Variants in SCD5 observed in about 807,000 individuals in gnomAD.
The protein encoded by SCD5 is acyl-CoA-desaturase 4.
In SCD5, 20 loss-of-function variants were observed where a neutral mutation model predicts 30.4. The observed-to-expected ratio is 0.66, with a 90% CI of 0.46 to 0.96. The LOEUF (loss-of-function observed/expected upper bound fraction) is 0.96, where lower values mean the gene tolerates loss of function less well. Among genes scored for constraint, SCD5 ranks in the 40% least tolerant of loss-of-function variants. The pLI is 0.00. For missense variants in SCD5, 381 were observed against 443.3 expected, an observed-to-expected ratio of 0.86 and a Z score of 1.26; for synonymous variants, 173 against 176.4, an observed-to-expected ratio of 0.98 and a Z score of 0.16.
At chr4:82,798,080 T>TGGGGCGGGGGGGGGGGGGGGGGGGGGGGG (rs1436762424) in intron 1 of SCD5, among the ~76,000 whole-genome samples, 1 of 25,814 alleles carries the variant, frequency 3.9e-5, no homozygotes, top group Admixed American at 3.2e-4. Flanking sequence ...CGCGGCGGGG[T>TGGGGCGGGGGGGGGGGGGGGGGGGGGGGG]GGGGGCGGGG....
intron 1 of SCD5, among the ~76,000 whole-genome samples, chr4:82,730,605 A>G (rs1458671856): frequency 4.2e-5 from 2 of 48,138 alleles, no homozygotes; most frequent in African/African-American, 1.4e-4. Context: ...TTTTTTTTTT[A>G]GAAGGAGTCT....
intron 1 of SCD5, among the ~76,000 whole-genome samples, chr4:82,766,416 T>C (rs1346499659): frequency 6.6e-6 from 1 of 152,222 alleles, no homozygotes; most frequent in Non-Finnish European, 1.5e-5. Context: ...GTATTTTCCA[T>C]CTCTAGAAGT....
intron 1 of SCD5, among the ~76,000 whole-genome samples, chr4:82,774,501 T>G (rs1721699768): frequency 1.3e-5 from 2 of 152,128 alleles, no homozygotes; most frequent in African/African-American, 4.8e-5. Flanking sequence ...GTAACTTTTT[T>G]GCTTTTGCTT....
At chr4:82,763,266 C>T (rs1353923986) in intron 1 of SCD5, among the ~76,000 whole-genome samples, 1 of 152,134 alleles carries the variant, frequency 6.6e-6, no homozygotes, top group African/African-American at 2.4e-5. Flanking sequence ...AATCCCAGCA[C>T]TTTGGGAGGC....
At chr4:82,740,786 G>A (rs939663626) in intron 1 of SCD5, among the ~76,000 whole-genome samples, 2 of 152,146 alleles carry the variant, frequency 1.3e-5, no homozygotes, top group Admixed American at 6.5e-5. Context: ...CCAATGTAGA[G>A]ATAACTTTTA....
At chr4:82,751,967 C>T (rs964971503) in intron 1 of SCD5, among the ~76,000 whole-genome samples, 13 of 152,290 alleles carry the variant, frequency 8.5e-5, no homozygotes, top group Non-Finnish European at 1.5e-4. Flanking sequence ...GAAAAACATT[C>T]CTCTCCTTTA....
chr4:82,666,840 T>A (rs1728200658), intron 3 of SCD5, among the ~76,000 whole-genome samples: 1 of 152,206 alleles, frequency 6.6e-6, no homozygotes, highest in Non-Finnish European at 1.5e-5. Context: ...AGATTTAGAA[T>A]TCAAGTCCAG....
At chr4:82,751,867 TGCCAGTTTCC>T (rs1284789266) in intron 1 of SCD5, among the ~76,000 whole-genome samples, 1 of 152,212 alleles carries the variant, frequency 6.6e-6, no homozygotes, top group African/African-American at 2.4e-5. Context: ...CCTTGTGATC[TGCCAGTTTCC>T]GCCTCCCAAA....
At chr4:82,783,146 G>A (rs142427407) in intron 1 of SCD5, among the ~76,000 whole-genome samples, 29 of 152,248 alleles carry the variant, frequency 1.9e-4, no homozygotes, top group Non-Finnish European at 3.8e-4. Context: ...CGATGCAGAC[G>A]GCCATAGACC....
At chr4:82,780,849 G>A (rs572895799) in intron 1 of SCD5, among the ~76,000 whole-genome samples, 118 of 152,346 alleles carry the variant, frequency 7.7e-4, no homozygotes, top group African/African-American at 2.7e-3. Context: ...TGCTTCTCCG[G>A]GGCCTGCTGC....
At chr4:82,689,216 T>C (rs986847650) in intron 2 of SCD5, among the ~76,000 whole-genome samples, 6 of 152,236 alleles carry the variant, frequency 3.9e-5, no homozygotes, top group Admixed American at 3.3e-4. Flanking sequence ...GAGCTCAGTA[T>C]ATTTTGTTGT....
chr4:82,667,286 ACG>A (rs70964801), intron 3 of SCD5, among the ~76,000 whole-genome samples: 4 of 142,650 alleles, frequency 2.8e-5, no homozygotes, highest in Admixed American at 2.1e-4. Flanking sequence ...ACACACACAC[ACG>A]CACGCACGCA....
intron 3 of SCD5, among the ~76,000 whole-genome samples, chr4:82,667,756 A>C (rs1316817087): frequency 6.6e-6 from 1 of 152,228 alleles, no homozygotes; most frequent in African/African-American, 2.4e-5. Flanking sequence ...AAAGGAAAAA[A>C]ATAATTTATT....
intron 3 of SCD5, among the ~76,000 whole-genome samples, chr4:82,653,761 G>T (rs1727810369): frequency 7.2e-6 from 1 of 138,254 alleles, no homozygotes; most frequent in Non-Finnish European, 1.6e-5. Flanking sequence ...GCCCAGCTAA[G>T]AACCATATAT....
intron 3 of SCD5, among the ~76,000 whole-genome samples, chr4:82,648,173 C>T (rs1396916891): frequency 6.6e-6 from 1 of 152,214 alleles, no homozygotes; most frequent in African/African-American, 2.4e-5. Context: ...GCCATCTGAG[C>T]CACTGAACCT....
chr4:82,758,625 G>A (rs1267811589), intron 1 of SCD5, among the ~76,000 whole-genome samples: 2 of 152,156 alleles, frequency 1.3e-5, no homozygotes, highest in African/African-American at 2.4e-5. Context: ...TTCCTGCTCA[G>A]AGACCCCACT....
intron 1 of SCD5, among the ~76,000 whole-genome samples, chr4:82,712,946 T>C (rs755018631): frequency 7.9e-5 from 12 of 152,188 alleles, no homozygotes; most frequent in Non-Finnish European, 1.6e-4. Flanking sequence ...CAGAACATTT[T>C]CAAGGGTGTT....
At chr4:82,772,918 T>C (rs1721658491) in intron 1 of SCD5, among the ~76,000 whole-genome samples, 1 of 152,172 alleles carries the variant, frequency 6.6e-6, no homozygotes, top group Admixed American at 6.5e-5. Flanking sequence ...GAATGAATGA[T>C]TGTGATGCAT....
intron 3 of SCD5, among the ~76,000 whole-genome samples, chr4:82,645,496 A>T (rs762578091): frequency 6.6e-6 from 1 of 152,216 alleles, no homozygotes; most frequent in South Asian, 2.1e-4. Context: ...CTAGAGCAGC[A>T]TTCTATAGCT....
Sources: allele counts gnomAD v4.1 joint callset (sites outside exome capture counted in the v4.1 genomes callset), GRCh38; gene constraint gnomAD v4.1.1; transcripts MANE v1.5; gene names NCBI Gene and HGNC (gene_info 2026-07-23, HGNC 2026-07-21).